WSCD2: variants seen among roughly 807,000 people sequenced by gnomAD.
WSCD2 encodes sialate:O-sulfotransferase 2.
In WSCD2, 28 loss-of-function variants were observed where a neutral mutation model predicts 55.7. That is an observed-to-expected ratio of 0.50 (90% CI 0.37 to 0.69). The LOEUF (loss-of-function observed/expected upper bound fraction) is 0.69, where lower values mean the gene tolerates loss of function less well. WSCD2 is among the 30% of genes least tolerant of loss of function. The pLI is 0.00. For synonymous variants in WSCD2, 301 were observed against 301.9 expected (o/e 1.00, Z 0.03); for missense variants, 616 against 762.1 (o/e 0.81, Z 2.26).
intron 1 of WSCD2, among the ~76,000 whole-genome samples, chr12:108,179,857 CA>C (rs1881441549): frequency 6.6e-6 from 1 of 152,058 alleles, no homozygotes; most frequent in Non-Finnish European, 1.5e-5. Flanking sequence ...TCATGGTGAA[CA>C]TTAGAAATTA....
At chr12:108,173,679 T>TA (rs1246762066) in intron 1 of WSCD2, among the ~76,000 whole-genome samples, 1 of 152,098 alleles carries the variant, frequency 6.6e-6, no homozygotes, top group Non-Finnish European at 1.5e-5. Flanking sequence ...TTCTGACTCC[T>TA]ATGGTGAAGG....
chr12:108,240,213 T>C (rs1845625907), intron 7 of WSCD2, 131 bp from the exon 8 acceptor site: 9 of 1,128,698 alleles, frequency 8.0e-6, no homozygotes, highest in Non-Finnish European at 1.0e-5. Flanking sequence ...ACATAGTAGG[T>C]GCTCAATAAA....
intron 8 of WSCD2, among the ~76,000 whole-genome samples, chr12:108,247,146 C>A (rs192344163): frequency 1.1e-4 from 16 of 152,274 alleles, no homozygotes; most frequent in African/African-American, 3.8e-4. Flanking sequence ...AATCCTGGCT[C>A]TGCCAGTTAT....
At chr12:108,224,948 C>A in intron 5 of WSCD2, 88 bp downstream of exon 5, 1 of 1,538,066 alleles carries the variant, frequency 6.5e-7, no homozygotes, top group Non-Finnish European at 8.7e-7. Flanking sequence ...GGAGAAGCAA[C>A]AGCTCAGTCG....
At position 108,135,988 on chromosome 12, in the gene WSCD2, C is replaced by T. The variant is rs147409794; in HGVS notation, c.-552+6062C>T. The stretch of plus-strand genomic sequence containing the variant: ...CCTTTACAGAAAAAACTTGCTGACC[C>T]ATGAGCTAAAAATCTCAGCCAGGGT... On this transcript the variant is annotated intron_variant, in intron 1 of 8. Coordinates refer to ENST00000547525, the MANE Select transcript of WSCD2 (RefSeq NM_014653.4). Among the ~76,000 whole-genome samples the T allele has an allele frequency of 4.3e-3, 661 of 152,332 alleles. 3 individuals carry two copies. Among genetic ancestry groups the T allele is most frequent in the African/African-American group, 0.015 (634 of 41,572 alleles).
intron 1 of WSCD2, among the ~76,000 whole-genome samples, chr12:108,167,069 C>T (rs1011030716): frequency 6.6e-6 from 1 of 152,194 alleles, no homozygotes; most frequent in South Asian, 2.1e-4. Context: ...ACCTCGGCCT[C>T]CCAAAGTGCT....
intron 7 of WSCD2, among the ~76,000 whole-genome samples, chr12:108,233,299 G>A (rs949151571): frequency 1.3e-5 from 2 of 152,180 alleles, no homozygotes; most frequent in African/African-American, 4.8e-5. Context: ...GACATTTATT[G>A]AGCACCTACT....
intron 8 of WSCD2, among the ~76,000 whole-genome samples, chr12:108,246,972 A>G (rs568904588): frequency 6.6e-6 from 1 of 152,340 alleles, no homozygotes; most frequent in African/African-American, 2.4e-5. Flanking sequence ...GCCAACATTG[A>G]TTGAGCACCT....
chr12:108,133,832 A>G (rs1210384185), intron 1 of WSCD2, among the ~76,000 whole-genome samples: 1 of 152,196 alleles, frequency 6.6e-6, no homozygotes, highest in Admixed American at 6.5e-5. Flanking sequence ...AAACTCGCAG[A>G]TGTTAAAAGC....
intron 4 of WSCD2, among the ~76,000 whole-genome samples, chr12:108,212,535 C>T (rs1886324035): frequency 6.6e-6 from 1 of 151,822 alleles, no homozygotes; most frequent in Admixed American, 6.6e-5. Flanking sequence ...CTCTCTCTTC[C>T]TCTTTCTCTC....
At chr12:108,187,259 A>T (rs1365067815) in intron 1 of WSCD2, among the ~76,000 whole-genome samples, 1 of 152,212 alleles carries the variant, frequency 6.6e-6, no homozygotes, top group Non-Finnish European at 1.5e-5. Flanking sequence ...TACTAGACAG[A>T]TTCCTCAAAA....
At chr12:108,176,901 G>A (rs1215266493) in intron 1 of WSCD2, among the ~76,000 whole-genome samples, 1 of 152,186 alleles carries the variant, frequency 6.6e-6, no homozygotes, top group Non-Finnish European at 1.5e-5. Flanking sequence ...CAGCCCACGT[G>A]AAAGCGATTA....
At chr12:108,212,716 T>C (rs1229346043) in intron 4 of WSCD2, among the ~76,000 whole-genome samples, 1 of 152,152 alleles carries the variant, frequency 6.6e-6, no homozygotes, top group Non-Finnish European at 1.5e-5. Flanking sequence ...GCTGGGGGGC[T>C]GCTGGCAGGA....
chr12:108,226,010 C>A (rs1888042330), intron 5 of WSCD2, among the ~76,000 whole-genome samples: 1 of 152,096 alleles, frequency 6.6e-6, no homozygotes, highest in South Asian at 2.1e-4. Flanking sequence ...ATCCCTTTCT[C>A]ACGGTCATGC....
At chr12:108,138,800 G>A (rs142919138) in intron 1 of WSCD2, among the ~76,000 whole-genome samples, 263 of 152,276 alleles carry the variant, frequency 1.7e-3, no homozygotes, top group African/African-American at 5.9e-3. Flanking sequence ...AAACATATTT[G>A]TGCATCCATT....
At chr12:108,146,233 G>A (rs982754270) in intron 1 of WSCD2, among the ~76,000 whole-genome samples, 1 of 152,192 alleles carries the variant, frequency 6.6e-6, no homozygotes, top group East Asian at 1.9e-4. Flanking sequence ...ATCTTTGGGG[G>A]CCCCCATCCA....
chr12:108,196,085 A>G lies in WSCD2; in HGVS notation c.253A>G (p.Ile85Val), dbSNP rs753026006. Residue 85 changes from isoleucine to valine, a missense_variant, in exon 2 of 9, where the codon ATT (isoleucine) becomes GTT (valine). Ile to Val is a conservative substitution (Grantham distance 29). Transcript: ENST00000547525. ...GFRDTGEASSIARRYGPWFKG... is the reference protein window; with the variant it reads ...GFRDTGEASSVARRYGPWFKG... ...CCGGGACACAGGTGAAGCCTCAAGC[A>G]TTGCTCGCAGGTACGGACCCTGGTT... is the stretch of plus-strand genomic sequence containing the variant. 1 of 1,613,994 alleles carries G rather than the reference A, an allele frequency of 6.2e-7. No homozygotes were observed. The highest frequency in any genetic ancestry group is 8.5e-7 in the Non-Finnish European group (1 of 1,180,026).
intron 4 of WSCD2, among the ~76,000 whole-genome samples, chr12:108,222,573 G>A (rs1321933757): frequency 5.3e-5 from 8 of 152,170 alleles, no homozygotes; most frequent in African/African-American, 1.9e-4. Flanking sequence ...TGTGCTTCTG[G>A]AAGGGTATAT....
intron 1 of WSCD2, among the ~76,000 whole-genome samples, chr12:108,158,623 A>G (rs760607451): frequency 6.6e-6 from 1 of 152,086 alleles, no homozygotes; most frequent in Non-Finnish European, 1.5e-5. Context: ...TCTGGAAGAT[A>G]GAGGTGGCAA....
Sources: allele counts gnomAD v4.1 joint callset (sites outside exome capture counted in the v4.1 genomes callset), GRCh38; gene constraint gnomAD v4.1.1; transcripts MANE v1.5; gene names NCBI Gene and HGNC (gene_info 2026-07-23, HGNC 2026-07-21).